The following KIAA1217 variants were observed in gnomAD, a reference collection of about 807,000 sequenced individuals.
KIAA1217 encodes KIAA1217.
Under a neutral mutation model 163.9 loss-of-function variants are expected in KIAA1217, and 88 were observed. The observed-to-expected ratio is 0.54, with a 90% confidence interval of 0.45 to 0.64. KIAA1217 has a LOEUF of 0.64. Ranked by LOEUF, KIAA1217 falls within the 30% of genes least tolerant of loss-of-function variation. The probability of loss-of-function intolerance (pLI) is 0.00; values close to 1 mark genes in which losing one functional copy is unlikely to be tolerated. For missense variants in KIAA1217, 2,372 were observed against 2,475.0 expected (o/e 0.96, Z 0.88); for synonymous variants, 903 against 923.1 (o/e 0.98, Z 0.39).
intron 1 of KIAA1217, among the ~76,000 whole-genome samples, chr10:23,839,196 C>T (rs1838647825): frequency 6.6e-6 from 1 of 152,158 alleles, no homozygotes; most frequent in Non-Finnish European, 1.5e-5. Flanking sequence ...GTGTCTCAGA[C>T]AGCTTCTGAA....
chr10:24,324,325 G>A (rs1160975900), intron 2 of KIAA1217, among the ~76,000 whole-genome samples: 4 of 152,078 alleles, frequency 2.6e-5, no homozygotes, highest in African/African-American at 2.4e-5. Flanking sequence ...CCAGCACTTC[G>A]GGAGGCCAAG....
intron 1 of KIAA1217, among the ~76,000 whole-genome samples, chr10:23,824,457 G>A (rs1397881402): frequency 5.4e-5 from 8 of 149,062 alleles, no homozygotes; most frequent in African/African-American, 1.7e-4. Flanking sequence ...GTGAAACCCC[G>A]TCTCTACTAA....
At chr10:24,348,264 G>A (rs2048036246) in intron 2 of KIAA1217, among the ~76,000 whole-genome samples, 1 of 152,014 alleles carries the variant, frequency 6.6e-6, no homozygotes, top group Admixed American at 6.5e-5. Context: ...CTTGAACCTG[G>A]GAGGCAGAAG....
chr10:24,025,766 G>A (rs536055893), intron 2 of KIAA1217, among the ~76,000 whole-genome samples: 39 of 151,378 alleles, frequency 2.6e-4, no homozygotes, highest in Admixed American at 3.3e-4. Context: ...CACTTTTTTG[G>A]TACTATTCTA....
intron 1 of KIAA1217, among the ~76,000 whole-genome samples, chr10:23,792,111 G>A (rs1835976173): frequency 6.6e-6 from 1 of 152,208 alleles, no homozygotes; most frequent in Admixed American, 6.5e-5. Flanking sequence ...TCATTAGGGT[G>A]ATCATTTTAT....
intron 1 of KIAA1217, among the ~76,000 whole-genome samples, chr10:23,894,941 T>G (rs187197924): frequency 0.02 from 2,969 of 152,186 alleles, 104 homozygotes; most frequent in African/African-American, 0.065. Context: ...TAGCCATATG[T>G]AGAAAGCTGA....
intron 2 of KIAA1217, among the ~76,000 whole-genome samples, chr10:24,072,320 C>T (rs2061216003): frequency 6.6e-6 from 1 of 152,160 alleles, no homozygotes; most frequent in Non-Finnish European, 1.5e-5. Context: ...TGAACCACCA[C>T]ACCCATCTAT....
intron 1 of KIAA1217, among the ~76,000 whole-genome samples, chr10:23,804,385 A>G (rs947757222): frequency 6.6e-6 from 1 of 152,222 alleles, no homozygotes; most frequent in African/African-American, 2.4e-5. Flanking sequence ...AAGCTGGGTG[A>G]CAGCTTTAGA....
intron 1 of KIAA1217, among the ~76,000 whole-genome samples, chr10:23,966,778 T>C (rs1845083758): frequency 6.6e-6 from 1 of 152,186 alleles, no homozygotes; most frequent in Non-Finnish European, 1.5e-5. Flanking sequence ...AAAGTAATAA[T>C]GTAGTAAGGA....
chr10:24,122,764 T>G (rs1349637934), intron 2 of KIAA1217, among the ~76,000 whole-genome samples: 1 of 152,126 alleles, frequency 6.6e-6, no homozygotes, highest in African/African-American at 2.4e-5. Context: ...TATAATGCTT[T>G]TTTTGTTTAC....
rs1169407580 is a variant in KIAA1217 at position 24,491,286 on chromosome 10, C to CTTTTTTTTTTTTTTTT, written c.1680-3208_1680-3193dup. Among the ~76,000 whole-genome samples, 2 of 114,738 alleles carry CTTTTTTTTTTTTTTTT rather than the reference C, an allele frequency of 1.7e-5. 1 individual carries two copies. The highest frequency in any genetic ancestry group is 3.4e-5 in the Non-Finnish European group (2 of 58,422). 75.3% of individuals were successfully genotyped at this position (114,738 alleles called of 152,430 possible). A position where few individuals can be genotyped will look rare whatever the true frequency, so the allele number is the denominator to read the frequency against. ...GGTGCTTTGTTTCTTTTTTTTTTTC[C>CTTTTTTTTTTTTTTTT]TTTTTTTTTTTTTTTTTTTTTGAGA... On this transcript the variant is annotated intron_variant, in intron 6 of 20. Transcript: ENST00000376454.
intron 5 of KIAA1217, among the ~76,000 whole-genome samples, chr10:24,462,611 A>G (rs556647623): frequency 2.0e-5 from 3 of 152,290 alleles, no homozygotes; most frequent in Admixed American, 1.3e-4. Context: ...ACTATTCAAA[A>G]AGACATAAGA....
intron 2 of KIAA1217, among the ~76,000 whole-genome samples, chr10:24,079,123 C>T (rs1327140153): frequency 1.3e-5 from 2 of 152,218 alleles, no homozygotes; most frequent in African/African-American, 4.8e-5. Flanking sequence ...CGCACTTCAC[C>T]CTCCATTACT....
In KIAA1217 at chr10:23,704,146, ATGTGTGTGTG is replaced by A. The variant is rs1241004091; in HGVS notation, c.-321+8930_-321+8939del. Among the ~76,000 whole-genome samples, 17 of 64,876 alleles carry A rather than the reference ATGTGTGTGTG, an allele frequency of 2.6e-4. 2 individuals carry two copies. Among genetic ancestry groups the A allele is most frequent in the East Asian group, 2.2e-3 (5 of 2,310 alleles). 42.6% of individuals were successfully genotyped at this position (64,876 alleles called of 152,430 possible). On this transcript the variant is annotated intron_variant, in intron 1 of 18. Coordinates refer to the KIAA1217 transcript ENST00000376462. ...CATATATGCATGTATGTGTGTGTGT[ATGTGTGTGTG>A]TGTGTGTGTGTGTGTGTATATATAT...
chr10:24,401,522 T>C (rs2056526275), intron 3 of KIAA1217, among the ~76,000 whole-genome samples: 1 of 152,106 alleles, frequency 6.6e-6, no homozygotes, highest in African/African-American at 2.4e-5. Flanking sequence ...GTTAAAAATA[T>C]TTGATAAAAT....
intron 5 of KIAA1217, among the ~76,000 whole-genome samples, chr10:24,447,075 C>G (rs2060996110): frequency 6.6e-6 from 1 of 152,142 alleles, no homozygotes; most frequent in Non-Finnish European, 1.5e-5. Flanking sequence ...CCAAACCTCA[C>G]CACTCACTGT....
intron 1 of KIAA1217, among the ~76,000 whole-genome samples, chr10:23,942,319 G>A (rs1267632532): frequency 6.6e-6 from 1 of 152,080 alleles, no homozygotes; most frequent in Non-Finnish European, 1.5e-5. Context: ...GTAATAATGA[G>A]TGAACAATGA....
intron 1 of KIAA1217, among the ~76,000 whole-genome samples, chr10:23,807,743 G>A (rs1267375148): frequency 6.6e-6 from 1 of 152,164 alleles, no homozygotes; most frequent in African/African-American, 2.4e-5. Flanking sequence ...TCAAAATCAA[G>A]AATGGAAGGC....
chr10:24,026,742 A>ATTTTTTTTTTTTTTTTTTTTTGT (rs1847968919), intron 2 of KIAA1217, among the ~76,000 whole-genome samples: 4 of 70,092 alleles, frequency 5.7e-5, no homozygotes, highest in Admixed American at 1.5e-4. Context: ...TATTTCATTG[A>ATTTTTTTTTTTTTTTTTTTTTGT]TTTTTTTTTT....
Sources: gnomAD v4.1 joint callset for allele counts (sites outside exome capture counted in the v4.1 genomes callset) on GRCh38, gnomAD v4.1.1 for gene constraint, MANE v1.5 for transcripts, NCBI Gene and HGNC (gene_info 2026-07-23, HGNC 2026-07-21) for gene names.